Variants in HLA-DQA1 observed in about 807,000 individuals in gnomAD.
HLA-DQA1 encodes major histocompatibility complex, class II, DQ alpha 1.
In HLA-DQA1, 10 loss-of-function variants were observed where a neutral mutation model predicts 20.7. The observed-to-expected ratio is 0.48, with a 90% CI of 0.30 to 0.82. The LOEUF is 0.82. Ranked by LOEUF, HLA-DQA1 falls within the 40% of genes least tolerant of loss-of-function variation. The pLI, the probability that HLA-DQA1 is intolerant of heterozygous loss-of-function variation, is 0.07. For missense variants in HLA-DQA1, 127 were observed against 293.0 expected (o/e 0.43, Z 4.14); for synonymous variants, 39 against 109.2 (o/e 0.36, Z 4.01).
rs1781378734 is a variant in HLA-DQA1, at chr6:32,641,257, G to A, written c.83-53G>A. On this transcript the variant is annotated intron_variant, in intron 1 of 4. Coordinates refer to ENST00000343139, the MANE Select transcript of HLA-DQA1 (RefSeq NM_002122.5). Reference sequence around the variant, plus strand: ...TTTCTTCCATCATTTTGTGTATTAAGGTTCTTTCTTCCCCTGTTCTCCGCC... The same window carrying A: ...TTTCTTCCATCATTTTGTGTATTAAAGTTCTTTCTTCCCCTGTTCTCCGCC... 6.2e-6 allele frequency: 7 copies of A among 1,125,966 alleles called. 1 individual carries two copies. In the South Asian group the frequency reaches 8.8e-5, roughly 14 times the overall value. The allele number at this position is 1,125,966 out of a possible 1,614,324, so 69.7% of individuals were successfully genotyped here. A position where few individuals can be genotyped will look rare whatever the true frequency, so the allele number is the denominator to read the frequency against.
At chr6:32,637,990 G>T (rs9272478) in intron 1 of HLA-DQA1, among the ~76,000 whole-genome samples, 2,584 of 101,454 alleles carry the variant, frequency 0.025, 61 homozygotes, top group Middle Eastern at 0.049. Context: ...AATGTTGCCC[G>T]TTTCTTTCTC....
chr6:32,649,017 G>A (rs1782085183), downstream of HLA-DQA1, among the ~76,000 whole-genome samples: 2 of 96,492 alleles, frequency 2.1e-5, 1 homozygote, highest in South Asian at 6.3e-4. Context: ...AATCATGAGT[G>A]AACTCCCATT....
Position 32,637,886 on chromosome 6 carries a change from C to G in HLA-DQA1, c.82+346C>G, listed in dbSNP as rs1242726109. ...TTAAAAATTTATGAAGTGTCATTCT[C>G]AAATTTCCCTGAACAACTTTTGAAG... On this transcript the variant is annotated intron_variant, in intron 1 of 4. Transcript: ENST00000343139. Among the ~76,000 whole-genome samples, 2 of 116,192 alleles carry G rather than the reference C, an allele frequency of 1.7e-5. 1 individual carries two copies. Among genetic ancestry groups the G allele is most frequent in the African/African-American group, 6.3e-5 (2 of 31,558 alleles). 76.2% of individuals were successfully genotyped at this position (116,192 alleles called of 152,430 possible).
At position 32,643,414 on chromosome 6, in the gene HLA-DQA1, A is replaced by G. The variant is rs1015753823; in HGVS notation, c.*483A>G. The G allele has an allele frequency of 4.2e-6, 1 of 239,844 alleles. No homozygotes were observed. Among genetic ancestry groups the G allele is most frequent in the African/African-American group, 2.3e-5 (1 of 43,342 alleles). 14.9% of individuals were successfully genotyped at this position (239,844 alleles called of 1,614,324 possible). On this transcript the variant is annotated 3_prime_UTR_variant, in exon 5 of 5. Transcript: ENST00000343139. ...AAGCCACCAAGTACAGTATAGCCTGATAATATGTTGATTTCTTAGCTGACA... is the reference window on the plus strand; with the variant it reads ...AAGCCACCAAGTACAGTATAGCCTGGTAATATGTTGATTTCTTAGCTGACA...
At chr6:32,647,729 A>T, downstream of HLA-DQA1, among the ~76,000 whole-genome samples, 1 of 152,170 alleles carries the variant, frequency 6.6e-6, no homozygotes, top group Non-Finnish European at 1.5e-5. Context: ...GCAAGAACTA[A>T]TAACAGCAAA....
At chr6:32,640,578 G>A (rs1781308682) in intron 1 of HLA-DQA1, among the ~76,000 whole-genome samples, 1 of 98,536 alleles carries the variant, frequency 1.0e-5, no homozygotes, top group Non-Finnish European at 2.3e-5. Flanking sequence ...AAAAGGTGGG[G>A]GGAATGACAG....
chr6:32,647,005 T>C (rs1781978450), downstream of HLA-DQA1: 1 of 100,946 alleles, frequency 9.9e-6, no homozygotes, highest in South Asian at 2.9e-4. Flanking sequence ...GAGATTGCTG[T>C]TATGTTTTCT....
chr6:32,655,226 T>C, the HLA-DQA1 span, among the ~76,000 whole-genome samples: 71,688 of 130,438 alleles, frequency 0.55, 21,253 homozygotes, highest in Middle Eastern at 0.69. Flanking sequence ...AGTGTAACAT[T>C]TTTAACTTTT....
the HLA-DQA1 span, among the ~76,000 whole-genome samples, chr6:32,652,987 A>T: frequency 0.12 from 18,590 of 148,850 alleles, 1,428 homozygotes; most frequent in Middle Eastern, 0.3. Context: ...GGTTTAGGAC[A>T]TTTATACCCC....
At position 32,643,365 on chromosome 6, in the gene HLA-DQA1, C is replaced by G. The variant is rs1006122270; in HGVS notation, c.*434C>G. The G allele has an allele frequency of 1.4e-4, 40 of 286,344 alleles. 2 individuals are homozygous for G. The highest frequency in any genetic ancestry group is 8.8e-4 in the African/African-American group (39 of 44,428). 17.7% of individuals were successfully genotyped at this position (286,344 alleles called of 1,614,324 possible). A position where few individuals can be genotyped will look rare whatever the true frequency, so the allele number is the denominator to read the frequency against. On this transcript the variant is annotated 3_prime_UTR_variant, in exon 5 of 5. Transcript: ENST00000343139. ...TCCAATTTAACCTCATTTCCCAGAT[C>G]ATTTTTCATGTCCAGTAACACAGAA...
At chr6:32,638,223 TACAG>T (rs879881681) in intron 1 of HLA-DQA1, among the ~76,000 whole-genome samples, 682 of 103,170 alleles carry the variant, frequency 6.6e-3, no homozygotes, top group East Asian at 0.013. Context: ...ATATTTCTAT[TACAG>T]ATATAGCTTC....
the HLA-DQA1 span, among the ~76,000 whole-genome samples, chr6:32,652,150 C>CG: frequency 1.1e-5 from 1 of 91,960 alleles, no homozygotes; most frequent in South Asian, 3.4e-4. Context: ...GGCACGGTGG[C>CG]GGGTGCCTGT....
At chr6:32,641,581 C>G in intron 2 of HLA-DQA1, 23 bp downstream of exon 2, 1 of 970,308 alleles carries the variant, frequency 1.0e-6, no homozygotes, top group Non-Finnish European at 1.4e-6. Context: ...CATTCTGCCT[C>G]TCTTTACTTA....
At chr6:32,640,656 C>T (rs1781314193) in intron 1 of HLA-DQA1, among the ~76,000 whole-genome samples, 1 of 113,672 alleles carries the variant, frequency 8.8e-6, no homozygotes, top group African/African-American at 3.2e-5. Context: ...CTCTAAGGAC[C>T]ATTACTATTA....
chr6:32,651,323 G>C (rs188153658), downstream of HLA-DQA1, among the ~76,000 whole-genome samples: 982 of 75,578 alleles, frequency 0.013, 337 homozygotes, highest in Admixed American at 0.035. Context: ...GGTGGCCCAA[G>C]CCTGTAATCC....
At chr6:32,654,396 T>C in the HLA-DQA1 span, among the ~76,000 whole-genome samples, 36,456 of 91,176 alleles carry the variant, frequency 0.4, 9,057 homozygotes, top group Middle Eastern at 0.59. Context: ...GCACTGTCAT[T>C]TCTCAGCATC....
chr6:32,643,195 G>A lies in HLA-DQA1; in HGVS notation c.*264G>A, dbSNP rs1130158. Reference sequence around the variant, plus strand: ...AAGACATGCCTGGGGTAAGCCACCCGGCTACCTAATTCCTCAGTAACCTCC... The same window carrying A: ...AAGACATGCCTGGGGTAAGCCACCCAGCTACCTAATTCCTCAGTAACCTCC... On this transcript the variant is annotated 3_prime_UTR_variant, in exon 5 of 5. Coordinates refer to ENST00000343139, the MANE Select transcript of HLA-DQA1 (RefSeq NM_002122.5). 66,245 of 277,582 alleles carry A rather than the reference G, an allele frequency of 0.24. 23,101 individuals carry two copies. Among genetic ancestry groups the A allele is most frequent in the Middle Eastern group, 0.38 (700 of 1,834 alleles). The allele number at this position is 277,582 out of a possible 1,614,324, so 17.2% of individuals were successfully genotyped here. A position where few individuals can be genotyped will look rare whatever the true frequency, so the allele number is the denominator to read the frequency against.
intron 1 of HLA-DQA1, among the ~76,000 whole-genome samples, chr6:32,640,407 A>T (rs9272634): frequency 0.062 from 4,228 of 67,830 alleles, 385 homozygotes; most frequent in Middle Eastern, 0.12. Context: ...TTGACAAAAA[A>T]GTCCAGTTTG....
downstream of HLA-DQA1, among the ~76,000 whole-genome samples, chr6:32,650,642 T>C (rs1196453762): frequency 1.1e-5 from 1 of 87,170 alleles, no homozygotes; most frequent in African/African-American, 4.1e-5. Context: ...TAAGTGGGAG[T>C]TGAACAATGA....
Sources: allele counts gnomAD v4.1 joint callset (sites outside exome capture counted in the v4.1 genomes callset), GRCh38; gene constraint gnomAD v4.1.1; transcripts MANE v1.5; gene names NCBI Gene and HGNC (gene_info 2026-07-23, HGNC 2026-07-21).